The following RIMS2 variants were observed in gnomAD, a reference collection of about 807,000 sequenced individuals.
RIMS2 encodes the protein regulating synaptic membrane exocytosis 2, also known as regulating synaptic membrane exocytosis protein 2.
A neutral mutation model predicts 174.4 loss-of-function variants in RIMS2; 59 were observed. The observed-to-expected ratio is 0.34, with a 90% confidence interval of 0.27 to 0.42. The LOEUF is 0.42. Ranked by LOEUF, RIMS2 falls within the 10% of genes least tolerant of loss-of-function variation. The pLI is 1.00. For missense variants in RIMS2, 1,620 were observed against 1,666.3 expected, an observed-to-expected ratio of 0.97 and a Z score of 0.48; for synonymous variants, 606 against 572.5, an observed-to-expected ratio of 1.06 and a Z score of -0.84.
At chr8:103,753,741 G>T (rs2097927839) in intron 2 of RIMS2, among the ~76,000 whole-genome samples, 2 of 152,142 alleles carry the variant, frequency 1.3e-5, no homozygotes, top group South Asian at 4.1e-4. Context: ...ATTCTCTGAT[G>T]GTAGTTTGTA....
At chr8:104,249,437 T>C in intron 21 of RIMS2, 50 bp from the exon 28 acceptor site, 1 of 938,024 alleles carries the variant, frequency 1.1e-6, no homozygotes. Flanking sequence ...TCTATTTTCC[T>C]TAGTGCATTT....
chr8:103,661,857 A>G (rs1293978972), intron 1 of RIMS2, among the ~76,000 whole-genome samples: 2 of 152,184 alleles, frequency 1.3e-5, no homozygotes, highest in Non-Finnish European at 2.9e-5. Flanking sequence ...GTGCCTTTGC[A>G]TCTGGCCTAG....
chr8:103,850,807 C>T (rs1564910288), intron 3 of RIMS2, among the ~76,000 whole-genome samples: 1 of 151,938 alleles, frequency 6.6e-6, no homozygotes, highest in East Asian at 1.9e-4. Flanking sequence ...TGCACATGAT[C>T]TTCTTTATCT....
intron 3 of RIMS2, among the ~76,000 whole-genome samples, chr8:103,869,397 A>G (rs1234550179): frequency 6.6e-6 from 1 of 150,600 alleles, no homozygotes; most frequent in Non-Finnish European, 1.5e-5. Context: ...GGGTTTCACC[A>G]TGTTGGTTAA....
Position 104,220,807 on chromosome 8 carries a change from A to G in RIMS2, c.3335-24109A>G, listed in dbSNP as rs569585653. ...CTTTTTCTGGAGATGAGGTTTCACT[A>G]TGTTGCCCAGGCTGGTCTCGAACTT... On this transcript the variant is annotated intron_variant, in intron 19 of 23. Transcript: ENST00000504942. 6.6e-5 allele frequency among the ~76,000 whole-genome samples: 10 copies of G among 152,080 alleles called. No homozygotes were observed. In the East Asian group the frequency reaches 7.7e-4, roughly 12 times the overall value.
Position 104,248,551 on chromosome 8 carries a change from G to A in RIMS2, c.3477-150G>A. On this transcript the variant is annotated intron_variant, in intron 20 of 23. Coordinates refer to ENST00000504942, the Ensembl canonical transcript of RIMS2. ...TGAGAATATGAAGGAAGAGTCCTGG[G>A]AGGTGGAACTGGGTATTTGGATCCA... 3 of 616,310 alleles carry A rather than the reference G, an allele frequency of 4.9e-6. No homozygotes were observed. The South Asian group carries it at 5.8e-5, about 12-fold the overall frequency. The allele number at this position is 616,310 out of a possible 1,614,324, so 38.2% of individuals were successfully genotyped here.
chr8:103,561,422 A>G (rs966244792), intron 1 of RIMS2, among the ~76,000 whole-genome samples: 2 of 152,206 alleles, frequency 1.3e-5, no homozygotes, highest in East Asian at 1.9e-4. Context: ...ATATAGCCCA[A>G]TCACTATGTC....
intron 19 of RIMS2, among the ~76,000 whole-genome samples, chr8:104,190,952 G>A (rs1316779813): frequency 7.2e-6 from 1 of 139,562 alleles, no homozygotes; most frequent in Non-Finnish European, 1.6e-5. Context: ...TTTTTTGTTT[G>A]CTTCAATCTC....
chr8:103,883,428 C>T (rs1192737978), intron 3 of RIMS2, among the ~76,000 whole-genome samples: 1 of 151,656 alleles, frequency 6.6e-6, no homozygotes, highest in East Asian at 1.9e-4. Context: ...ACAGTGCACA[C>T]ACACATATAC....
chr8:103,913,424 ACT>A (rs889207420), intron 6 of RIMS2, among the ~76,000 whole-genome samples: 2 of 151,796 alleles, frequency 1.3e-5, no homozygotes, highest in African/African-American at 4.8e-5. Context: ...ACAGAGTGAG[ACT>A]CTGTCTCTCT....
At chr8:103,978,968 G>C (rs1028790045) in intron 16 of RIMS2, among the ~76,000 whole-genome samples, 1 of 151,876 alleles carries the variant, frequency 6.6e-6, no homozygotes, top group Non-Finnish European at 1.5e-5. Flanking sequence ...AAAAATAACT[G>C]GTAACAAAAA....
At chr8:103,604,664 T>C (rs987293693) in intron 1 of RIMS2, among the ~76,000 whole-genome samples, 3 of 145,778 alleles carry the variant, frequency 2.1e-5, no homozygotes, top group African/African-American at 2.6e-5. Context: ...TTGTATCCTC[T>C]TTTATTTCGT....
intron 19 of RIMS2, among the ~76,000 whole-genome samples, chr8:104,058,176 G>T (rs529529202): frequency 9.6e-4 from 144 of 150,394 alleles, no homozygotes; most frequent in African/African-American, 3.4e-3. Flanking sequence ...CTAGTTTACA[G>T]TCCCACCAAC....
At chr8:104,065,007 CTAGA>C (rs1219695350) in intron 19 of RIMS2, among the ~76,000 whole-genome samples, 1 of 151,872 alleles carries the variant, frequency 6.6e-6, no homozygotes, top group Non-Finnish European at 1.5e-5. Flanking sequence ...TTAGAGATTC[CTAGA>C]TAAACTTACT....
At chr8:103,917,943 T>C (rs907523591) in intron 8 of RIMS2, among the ~76,000 whole-genome samples, 5 of 152,118 alleles carry the variant, frequency 3.3e-5, no homozygotes, top group Admixed American at 2.6e-4. Flanking sequence ...CACTCCAGCC[T>C]GGTGACAGAG....
At chr8:103,676,116 G>A (rs921483134) in intron 1 of RIMS2, among the ~76,000 whole-genome samples, 1 of 152,020 alleles carries the variant, frequency 6.6e-6, no homozygotes, top group African/African-American at 2.4e-5. Context: ...CTTAAACAAA[G>A]GTAAGACTTG....
intron 3 of RIMS2, among the ~76,000 whole-genome samples, chr8:103,885,005 A>G (rs2099191204): frequency 6.6e-6 from 1 of 151,920 alleles, no homozygotes; most frequent in African/African-American, 2.4e-5. Flanking sequence ...AAACCAAGCA[A>G]GGAAATTAGA....
intron 16 of RIMS2, among the ~76,000 whole-genome samples, chr8:103,985,549 G>T (rs1053687254): frequency 6.6e-6 from 1 of 150,492 alleles, no homozygotes; most frequent in African/African-American, 2.4e-5. Flanking sequence ...ATGCTTGAAG[G>T]GATGGATTTG....
At chr8:103,834,584 G>A (rs1269470530) in intron 3 of RIMS2, among the ~76,000 whole-genome samples, 1 of 150,662 alleles carries the variant, frequency 6.6e-6, no homozygotes, top group East Asian at 1.9e-4. Flanking sequence ...CCTTTCTTTA[G>A]CTTTTTTTTT....
Sources: gnomAD v4.1 joint callset for allele counts (sites outside exome capture counted in the v4.1 genomes callset) on GRCh38, gnomAD v4.1.1 for gene constraint, MANE v1.5 for transcripts, NCBI Gene and HGNC (gene_info 2026-07-23, HGNC 2026-07-21) for gene names.